The following NLRP4 variants were observed in gnomAD, a reference collection of about 807,000 sequenced individuals.
NLRP4 encodes the protein NACHT, LRR and PYD domains-containing protein 4.
A neutral mutation model predicts 84.7 loss-of-function variants in NLRP4; 44 were observed. The ratio of observed to expected loss-of-function variants is 0.52; its 90% CI spans 0.41 to 0.67. NLRP4 has a LOEUF of 0.67. NLRP4 is among the 30% of genes least tolerant of loss of function. NLRP4 has a pLI of 0.00. For missense variants in NLRP4, 1,260 were observed against 1,219.4 expected (o/e 1.03, Z -0.50); for synonymous variants, 544 against 476.4 (o/e 1.14, Z -1.85).
At position 55,858,340 on chromosome 19, in the gene NLRP4, A is replaced by G. The variant is rs1450432911; in HGVS notation, c.947A>G (p.Lys316Arg). The G allele has an allele frequency of 2.5e-6, 4 of 1,614,194 alleles. No individual in the cohort carries two copies. The Admixed American group carries it at 5.0e-5, about 20-fold the overall frequency. The stretch of plus-strand genomic sequence containing the variant: ...TTAGTGTATTTCTGCTGTTTCTTCA[A>G]AGACCCGAAAAGAGCCATGGAAGCC... ...DRLVYFCCFF[K>R]DPKRAMEAFN... The change falls in exon 3 of 10, where the codon AAA (lysine) becomes AGA (arginine). Residue 316 changes from lysine to arginine, a missense_variant. Around this residue, in one of 3 missense-constraint regions of NLRP4, gnomAD observed 712 missense variants for 669.2 expected, o/e 1.06. Transcript: ENST00000301295. The surrounding 1 kb of genome is among the most constrained non-coding windows in gnomAD (Gnocchi z 4.2).
Position 55,840,875 on chromosome 19 carries a change from A to C in NLRP4, c.-66+3941A>C, listed in dbSNP as rs188572618. 1.2e-3 allele frequency among the ~76,000 whole-genome samples: 179 copies of C among 152,342 alleles called. 1 individual carries two copies. The highest frequency in any genetic ancestry group is 4.0e-3 in the African/African-American group (166 of 41,574). ...ACAACAGATTTTTTTAAAAGCCTGG[A>C]ATAATTCAATATCTTTTCCTTCTAA... is the stretch of plus-strand genomic sequence containing the variant. On this transcript the variant is annotated intron_variant, in intron 1 of 9. Transcript: ENST00000301295.
chr19:55,878,090 G>A (rs1724767630), intron 8 of NLRP4, among the ~76,000 whole-genome samples: 1 of 152,098 alleles, frequency 6.6e-6, no homozygotes, highest in South Asian at 2.1e-4. Flanking sequence ...AACAGGCTGG[G>A]CAACATGGTA....
intron 1 of NLRP4, among the ~76,000 whole-genome samples, chr19:55,838,795 A>G (rs1440417551): frequency 6.6e-6 from 1 of 152,206 alleles, no homozygotes; most frequent in Non-Finnish European, 1.5e-5. Context: ...TTCTAAAAAT[A>G]AAAATAAAAG....
chr19:55,843,715 C>T (rs1421263543), intron 1 of NLRP4, among the ~76,000 whole-genome samples: 4 of 151,862 alleles, frequency 2.6e-5, no homozygotes, highest in Non-Finnish European at 2.9e-5. Context: ...TAAAAAGAAA[C>T]ATCCTAGTAG....
intron 2 of NLRP4, among the ~76,000 whole-genome samples, chr19:55,853,565 C>T (rs1478916790): frequency 6.6e-6 from 1 of 151,580 alleles, no homozygotes; most frequent in Non-Finnish European, 1.5e-5. Context: ...TAATTGCACA[C>T]CTGGCTAACC....
At chr19:55,861,885 G>T in intron 4 of NLRP4, 107 bp from the exon 5 acceptor site, 1 of 834,762 alleles carries the variant, frequency 1.2e-6, no homozygotes. Context: ...TCATTGGGCT[G>T]TGAAATCAGA....
At chr19:55,863,665 T>A (rs906619690) in intron 5 of NLRP4, among the ~76,000 whole-genome samples, 1 of 152,006 alleles carries the variant, frequency 6.6e-6, no homozygotes, top group African/African-American at 2.4e-5. Flanking sequence ...CCGAACCATA[T>A]CAGACAGCGG....
intron 7 of NLRP4, among the ~76,000 whole-genome samples, chr19:55,875,483 T>C (rs1177756194): frequency 6.6e-6 from 1 of 152,102 alleles, no homozygotes; most frequent in Non-Finnish European, 1.5e-5. Flanking sequence ...TACCTAGAAA[T>C]AGCTACTGTG....
chr19:55,875,106 A>G (rs1485625536), intron 7 of NLRP4, among the ~76,000 whole-genome samples: 4 of 152,212 alleles, frequency 2.6e-5, no homozygotes, highest in Admixed American at 1.3e-4. Flanking sequence ...TCTAAAGAAT[A>G]TGTTCAAAAA....
chr19:55,853,579 T>TA (rs143974382), intron 2 of NLRP4, among the ~76,000 whole-genome samples: 7,409 of 151,648 alleles, frequency 0.049, 224 homozygotes, highest in African/African-American at 0.085. Flanking sequence ...GCTAACCTTT[T>TA]AAAAAAAAAT....
At chr19:55,877,377 C>T (rs1476766407) in intron 8 of NLRP4, among the ~76,000 whole-genome samples, 4 of 152,130 alleles carry the variant, frequency 2.6e-5, no homozygotes, top group Admixed American at 2.6e-4. Context: ...CTGACCTCAG[C>T]CAGGTGTGCT....
intron 1 of NLRP4, among the ~76,000 whole-genome samples, chr19:55,845,425 A>G (rs1423056223): frequency 9.3e-5 from 13 of 140,444 alleles, no homozygotes; most frequent in African/African-American, 3.0e-4. Flanking sequence ...CCAGTCTATC[A>G]TTGTTGGACA....
intron 8 of NLRP4, among the ~76,000 whole-genome samples, 182 bp downstream of exon 8, chr19:55,877,348 C>T (rs570495101): frequency 6.6e-6 from 1 of 152,290 alleles, no homozygotes; most frequent in East Asian, 1.9e-4. Flanking sequence ...GCTGGCTCTG[C>T]TTGTCTGGGC....
At chr19:55,845,408 T>A (rs1023404390) in intron 1 of NLRP4, among the ~76,000 whole-genome samples, 18 of 151,516 alleles carry the variant, frequency 1.2e-4, no homozygotes, top group African/African-American at 4.3e-4. Context: ...TGCCACATTT[T>A]CTTAATCCAG....
chr19:55,878,333 T>C (rs929002524), intron 8 of NLRP4, among the ~76,000 whole-genome samples: 4 of 151,892 alleles, frequency 2.6e-5, no homozygotes, highest in Non-Finnish European at 1.5e-5. Context: ...GGCAGGAAAA[T>C]TGCTAGAACC....
chr19:55,875,933 A>T (rs1300796683), intron 7 of NLRP4, among the ~76,000 whole-genome samples: 1 of 151,886 alleles, frequency 6.6e-6, no homozygotes, highest in Non-Finnish European at 1.5e-5. Flanking sequence ...GCTACTCAGG[A>T]GGCTGAGGCA....
chr19:55,857,735 G>A lies in NLRP4; in HGVS notation c.342G>A (p.Lys114=). 1.9e-6 allele frequency: 3 copies of A among 1,613,850 alleles called. No individual in the cohort carries two copies. The highest frequency in any genetic ancestry group is 2.5e-6 in the Non-Finnish European group (3 of 1,179,764). ...KQKFSRLWSS[K]SVTEIHLYFE... ...AATTCAGCCGCTTATGGTCCAGCAA[G>A]TCTGTCACTGAGATTCACCTATACT... The change falls in exon 3 of 10, where the codon AAG becomes AAA. Residue 114 remains lysine (K), a synonymous_variant. Coordinates refer to ENST00000301295, the MANE Select transcript of NLRP4 (RefSeq NM_134444.5).
At chr19:55,867,657 T>C in intron 5 of NLRP4, 52 bp from the exon 6 acceptor site, 1 of 1,528,430 alleles carries the variant, frequency 6.5e-7, no homozygotes, top group African/African-American at 1.4e-5. Context: ...GCAAGAGGAA[T>C]GAGTCCAGGA....
At chr19:55,866,122 C>T (rs377065283) in intron 5 of NLRP4, among the ~76,000 whole-genome samples, 1 of 152,274 alleles carries the variant, frequency 6.6e-6, no homozygotes, top group South Asian at 2.1e-4. Context: ...AAACCTCCGC[C>T]TCCTGGGTTC....
Sources: gnomAD v4.1 joint callset for allele counts (sites outside exome capture counted in the v4.1 genomes callset) on GRCh38, gnomAD v4.1.1 for gene constraint, gnomAD v4.1.1 regional missense constraint, Gnocchi (gnomAD v3.1) non-coding constraint, MANE v1.5 for transcripts, NCBI Gene and HGNC (gene_info 2026-07-23, HGNC 2026-07-21) for gene names.